ATP2B1: variants seen among roughly 807,000 people sequenced by gnomAD.
ATP2B1 encodes ATPase plasma membrane Ca2+ transporting 1, also known as plasma membrane calcium-transporting ATPase 1.
In ATP2B1, 14 loss-of-function variants were observed where a neutral mutation model predicts 124.2. The observed-to-expected ratio is 0.11, with a 90% CI of 0.07 to 0.18. The LOEUF is 0.18. ATP2B1 is among the 10% of genes least tolerant of loss of function. The probability of loss-of-function intolerance (pLI) is 1.00; values close to 1 mark genes in which losing one functional copy is unlikely to be tolerated. For missense variants in ATP2B1, 763 were observed against 1,466.1 expected, an observed-to-expected ratio of 0.52 and a Z score of 7.83; for synonymous variants, 449 against 492.4, an observed-to-expected ratio of 0.91 and a Z score of 1.17.
chr12:89,667,582 G>T (rs1887462837), intron 1 of ATP2B1, among the ~76,000 whole-genome samples: 1 of 152,158 alleles, frequency 6.6e-6, no homozygotes, highest in Non-Finnish European at 1.5e-5. Context: ...AACACCTGTT[G>T]TTGTTCTCCA....
chr12:89,598,228 C>T lies in ATP2B1; in HGVS notation c.3351+889G>A, dbSNP rs564972812. ...TTTCCTGGTTCTGTTAGATGAGTTT[C>T]AAATCACATGCTTTTAGGAAACATG... On this transcript the variant is annotated intron_variant, in intron 20 of 20. Transcript: ENST00000428670. 2.0e-3 allele frequency among the ~76,000 whole-genome samples: 303 copies of T among 152,152 alleles called. 1 individual carries two copies. The highest frequency in any genetic ancestry group is 7.1e-3 in the African/African-American group (294 of 41,528).
intron 1 of ATP2B1, among the ~76,000 whole-genome samples, chr12:89,683,459 A>G (rs561683552): frequency 4.2e-4 from 64 of 152,356 alleles, no homozygotes; most frequent in African/African-American, 1.5e-3. Context: ...TCCGTAAAGA[A>G]GCGTAAGCTA....
At position 89,655,852 on chromosome 12, in the gene ATP2B1, C is replaced by G. The variant is rs1885895843; in HGVS notation, c.35G>C (p.Ser12Thr). The G allele has an allele frequency of 3.1e-6, 5 of 1,609,628 alleles. No individual in the cohort carries two copies. In the Admixed American group the frequency reaches 8.4e-5, roughly 27 times the overall value. The change falls in exon 2 of 21, where the codon AGT (serine) becomes ACT (threonine). Residue 12 changes from serine (S) to threonine (T), a missense_variant. Physicochemically the swap from Ser to Thr is moderately conservative, Grantham distance 58. Around this residue, in one of 7 missense-constraint regions of ATP2B1, gnomAD observed 93 missense variants for 112.7 expected, o/e 0.83. Coordinates refer to ENST00000428670, the MANE Select transcript of ATP2B1 (RefSeq NM_001366521.1). ...TTCCTTCAAAGAGTTTTTCACACCA[C>G]TGTAAGCAACTGAGTTGTTTGCCAT... ...GDMANNSVAY[S>T]GVKNSLKEAN... is the part of the protein sequence containing the mutation.
At chr12:89,598,879 A>T in intron 20 of ATP2B1, 1 of 1,175,564 alleles carries the variant, frequency 8.5e-7, no homozygotes. Context: ...TAGCATTTTG[A>T]GATGAAGTGG....
intron 1 of ATP2B1, among the ~76,000 whole-genome samples, chr12:89,665,206 G>T (rs1333824363): frequency 1.3e-5 from 2 of 151,952 alleles, no homozygotes; most frequent in African/African-American, 2.4e-5. Context: ...TGATTTTTTT[G>T]TGTGTTTTGA....
intron 1 of ATP2B1, among the ~76,000 whole-genome samples, chr12:89,705,424 A>C (rs1454859642): frequency 1.3e-5 from 2 of 152,120 alleles, no homozygotes; most frequent in Non-Finnish European, 2.9e-5. Flanking sequence ...TTGCTCATCC[A>C]TTACAAAATT....
In ATP2B1 at chr12:89,610,646, G is replaced by A. The variant is rs967553412; in HGVS notation, c.2248-138C>T. On this transcript the variant is annotated intron_variant, in intron 13 of 20. Transcript: ENST00000428670. ...AAACTCCTGGGAACTTGTTAGAAAC[G>A]TGAATTCTTGGGCATGGACCCAGAT... 3.3e-5 allele frequency: 23 copies of A among 694,552 alleles called. No homozygotes were observed. The Admixed American group carries it at 4.1e-4, about 12-fold the overall frequency. The allele number at this position is 694,552 out of a possible 1,614,324, so 43.0% of individuals were successfully genotyped here.
Position 89,591,211 on chromosome 12 carries a change from T to A in ATP2B1, c.3436A>T (p.Thr1146Ser), listed in dbSNP as rs775232867. 1.1e-5 allele frequency: 18 copies of A among 1,613,114 alleles called. No homozygotes were observed. The Admixed American group carries it at 2.8e-4, about 25-fold the overall frequency. The stretch of plus-strand genomic sequence containing the variant: ...TCTTCTATCCTAAACTCAGGATGTG[T>A]CATAAAGTTGTGAATCGAACTTCTT... The part of the protein sequence containing the change: ...ESRSSIHNFM[T>S]HPEFRIEDSE... Residue 1146 changes from threonine (T) to serine (S), a missense_variant, in exon 21 of 21, where the codon ACA (threonine) becomes TCA (serine). Physicochemically the swap from Thr to Ser is moderately conservative, Grantham distance 58. Coordinates refer to ENST00000428670, the MANE Select transcript of ATP2B1 (RefSeq NM_001366521.1).
chr12:89,601,891 A>G (rs1308272089), intron 18 of ATP2B1, among the ~76,000 whole-genome samples: 1 of 152,228 alleles, frequency 6.6e-6, no homozygotes, highest in Non-Finnish European at 1.5e-5. Context: ...CACAATATTA[A>G]AAAAATTCCA....
chr12:89,686,376 C>T (rs1889971231), intron 1 of ATP2B1, among the ~76,000 whole-genome samples: 1 of 152,130 alleles, frequency 6.6e-6, no homozygotes, highest in African/African-American at 2.4e-5. Context: ...ACCCCCTTCT[C>T]AAATTCCTTT....
At chr12:89,678,993 A>G (rs929830409) in intron 1 of ATP2B1, among the ~76,000 whole-genome samples, 5 of 152,032 alleles carry the variant, frequency 3.3e-5, no homozygotes, top group Admixed American at 1.3e-4. Context: ...TGTTACTTCT[A>G]TGTTTTCTAG....
intron 1 of ATP2B1, among the ~76,000 whole-genome samples, chr12:89,660,273 G>C (rs944248660): frequency 2.6e-5 from 4 of 152,142 alleles, no homozygotes; most frequent in African/African-American, 9.7e-5. Flanking sequence ...GCAACTCAAA[G>C]CTAGGTAAAA....
At chr12:89,640,095 A>C (rs1883279644) in intron 3 of ATP2B1, among the ~76,000 whole-genome samples, 1 of 152,158 alleles carries the variant, frequency 6.6e-6, no homozygotes, top group African/African-American at 2.4e-5. Context: ...GTGCTCATAG[A>C]CACATAGACC....
intron 1 of ATP2B1, among the ~76,000 whole-genome samples, chr12:89,682,906 T>G (rs1393731364): frequency 6.6e-6 from 1 of 152,072 alleles, no homozygotes; most frequent in Non-Finnish European, 1.5e-5. Context: ...AAGTAACAAA[T>G]TTGGAGAAAA....
At chr12:89,705,354 G>A (rs1892328908) in intron 1 of ATP2B1, among the ~76,000 whole-genome samples, 1 of 151,894 alleles carries the variant, frequency 6.6e-6, no homozygotes, top group Non-Finnish European at 1.5e-5. Flanking sequence ...ACTCTTGCCC[G>A]AGATGCAAAA....
At chr12:89,595,828 T>A (rs1407501875) in intron 20 of ATP2B1, among the ~76,000 whole-genome samples, 3 of 152,028 alleles carry the variant, frequency 2.0e-5, no homozygotes, top group Non-Finnish European at 4.4e-5. Flanking sequence ...CCTGGATAAC[T>A]CCAAGAACAT....
chr12:89,655,434 AG>A, intron 2 of ATP2B1: 1 of 470,764 alleles, frequency 2.1e-6, no homozygotes, highest in African/African-American at 1.9e-5. Context: ...AGGAAGCAGT[AG>A]TATATATAAT....
Position 89,607,727 on chromosome 12 carries a change from G to A in ATP2B1, c.2442+2210C>T, listed in dbSNP as rs117797236. On this transcript the variant is annotated intron_variant, in intron 15 of 20. Coordinates refer to ENST00000428670, the MANE Select transcript of ATP2B1 (RefSeq NM_001366521.1). ...TCATGTGACAAGGATTCTCTCCTTCGACCAAAACTTGCTATGTAGATAATT... is the reference window on the plus strand; with the variant it reads ...TCATGTGACAAGGATTCTCTCCTTCAACCAAAACTTGCTATGTAGATAATT... Among the ~76,000 whole-genome samples the A allele has an allele frequency of 4.6e-3, 699 of 152,064 alleles. 3 individuals are homozygous for A. The highest frequency in any genetic ancestry group is 8.5e-3 in the Non-Finnish European group (578 of 68,008).
chr12:89,604,871 C>T (rs188800223), intron 15 of ATP2B1, among the ~76,000 whole-genome samples: 51 of 143,346 alleles, frequency 3.6e-4, no homozygotes, highest in South Asian at 1.9e-3. Context: ...CCTGTCAGCT[C>T]CAGACTTGGC....
Sources: allele counts gnomAD v4.1 joint callset (sites outside exome capture counted in the v4.1 genomes callset), GRCh38; gene constraint gnomAD v4.1.1; regional missense constraint gnomAD v4.1.1; transcripts MANE v1.5; gene names NCBI Gene and HGNC (gene_info 2026-07-23, HGNC 2026-07-21).